Variants in PCDH15 observed in about 807,000 individuals in gnomAD.
PCDH15 encodes the protein protocadherin-15.
PCDH15 carries 129 observed loss-of-function variants against 178.5 expected under a neutral mutation model. The observed-to-expected ratio is 0.72, with a 90% CI of 0.63 to 0.84. The LOEUF is 0.84. PCDH15 is among the 40% of genes least tolerant of loss of function. The pLI, the probability that PCDH15 is intolerant of heterozygous loss-of-function variation, is 0.00. For missense variants in PCDH15, 2,230 were observed against 2,099.9 expected (o/e 1.06, Z -1.21); for synonymous variants, 800 against 732.0 (o/e 1.09, Z -1.50).
At chr10:55,444,896 A>G (rs563520095) in intron 2 of PCDH15, among the ~76,000 whole-genome samples, 1 of 152,294 alleles carries the variant, frequency 6.6e-6, no homozygotes, top group African/African-American at 2.4e-5. Context: ...ACATTTAAAC[A>G]CATATTCATC....
rs184965552 is a variant in PCDH15, at chr10:55,077,692, G to C, written c.-80+88884C>G. ...AGCCTCCCGAGTAGCTGGTATTAAA[G>C]GCATGCGCCACACCTGGCTACTTTT... is the stretch of plus-strand genomic sequence containing the variant. On this transcript the variant is annotated intron_variant, in intron 2 of 5. Transcript: ENST00000458638. Among the ~76,000 whole-genome samples the C allele has an allele frequency of 2.2e-4, 34 of 152,116 alleles. No homozygotes were observed. In the East Asian group the frequency reaches 6.2e-3, roughly 28 times the overall value.
chr10:55,534,121 A>T (rs992525633), intron 2 of PCDH15, among the ~76,000 whole-genome samples: 6 of 152,012 alleles, frequency 3.9e-5, no homozygotes, highest in African/African-American at 1.4e-4. Flanking sequence ...AATTATAAAA[A>T]TCCTAGAAGA....
intron 2 of PCDH15, among the ~76,000 whole-genome samples, chr10:55,372,126 A>G (rs1366643974): frequency 6.6e-6 from 1 of 152,094 alleles, no homozygotes; most frequent in Non-Finnish European, 1.5e-5. Flanking sequence ...CATCCCATCC[A>G]TGCTCCCATT....
At chr10:55,583,981 G>C (rs1564466465) in intron 2 of PCDH15, among the ~76,000 whole-genome samples, 3 of 151,990 alleles carry the variant, frequency 2.0e-5, no homozygotes, top group Non-Finnish European at 4.4e-5. Flanking sequence ...AGGCTGAAGT[G>C]ATCTTCCCAC....
At chr10:55,417,582 G>A (rs376530742) in intron 2 of PCDH15, among the ~76,000 whole-genome samples, 32 of 151,442 alleles carry the variant, frequency 2.1e-4, no homozygotes, top group African/African-American at 6.8e-4. Context: ...GATAGAAGAC[G>A]AAATGCTCTT....
intron 26 of PCDH15, among the ~76,000 whole-genome samples, chr10:53,886,786 G>A (rs2081133771): frequency 6.6e-6 from 1 of 152,010 alleles, no homozygotes; most frequent in Admixed American, 6.6e-5. Context: ...AGAGCTCACT[G>A]CCTTCTGGGT....
At chr10:54,817,621 T>C (rs1169183551) in intron 3 of PCDH15, among the ~76,000 whole-genome samples, 1 of 152,016 alleles carries the variant, frequency 6.6e-6, no homozygotes, top group Non-Finnish European at 1.5e-5. Flanking sequence ...GATGAGAAAT[T>C]CACAGTAATT....
chr10:55,004,986 A>T (rs1839890074), intron 2 of PCDH15, among the ~76,000 whole-genome samples: 1 of 152,110 alleles, frequency 6.6e-6, no homozygotes. Context: ...CCAATGATAT[A>T]AAACCTTCTG....
chr10:54,684,873 A>G (rs983383774), intron 1 of PCDH15, among the ~76,000 whole-genome samples: 7 of 152,022 alleles, frequency 4.6e-5, no homozygotes, highest in Admixed American at 1.3e-4. Context: ...TATAAAATGC[A>G]TTTTTTAAAT....
At chr10:54,060,849 G>C (rs1424196104) in intron 18 of PCDH15, among the ~76,000 whole-genome samples, 2 of 152,080 alleles carry the variant, frequency 1.3e-5, no homozygotes, top group African/African-American at 2.4e-5. Flanking sequence ...TAAGAGGTGA[G>C]GGTTGTTAGG....
chr10:53,979,770 A>G (rs766364479), intron 21 of PCDH15, among the ~76,000 whole-genome samples: 1 of 152,232 alleles, frequency 6.6e-6, no homozygotes, highest in Non-Finnish European at 1.5e-5. Flanking sequence ...TGCTACAACT[A>G]GAGAACAGAT....
intron 2 of PCDH15, among the ~76,000 whole-genome samples, chr10:55,626,924 A>G (rs1486212185): frequency 6.6e-6 from 1 of 152,180 alleles, no homozygotes; most frequent in Non-Finnish European, 1.5e-5. Flanking sequence ...CATTATATTT[A>G]TTAATGAGCA....
chr10:54,917,615 A>G (rs1407568695), intron 2 of PCDH15, among the ~76,000 whole-genome samples: 3 of 152,210 alleles, frequency 2.0e-5, no homozygotes, highest in African/African-American at 7.2e-5. Flanking sequence ...AAGGCTAGAA[A>G]CTATGCTCTG....
At chr10:55,182,395 T>C (rs780657912) in intron 1 of PCDH15, among the ~76,000 whole-genome samples, 22 of 151,904 alleles carry the variant, frequency 1.4e-4, no homozygotes, top group Non-Finnish European at 2.5e-4. Context: ...CACACACACT[T>C]GCACTTGCTC....
chr10:55,508,638 A>C (rs1840813141), intron 2 of PCDH15, among the ~76,000 whole-genome samples: 1 of 151,802 alleles, frequency 6.6e-6, no homozygotes, highest in Admixed American at 6.6e-5. Flanking sequence ...AAGTTGACAT[A>C]GAATTTCCAA....
At chr10:54,556,884 G>A (rs2087351507) in intron 2 of PCDH15, among the ~76,000 whole-genome samples, 1 of 151,908 alleles carries the variant, frequency 6.6e-6, no homozygotes, top group Admixed American at 6.6e-5. Context: ...TGGCAGGGTT[G>A]GGGTTGGGGG....
intron 1 of PCDH15, among the ~76,000 whole-genome samples, chr10:55,220,688 TATC>T (rs761265206): frequency 6.6e-6 from 1 of 152,106 alleles, no homozygotes; most frequent in African/African-American, 2.4e-5. Context: ...AAAAATATGA[TATC>T]ATGATTCTCT....
chr10:54,075,270 G>A (rs916011764), intron 17 of PCDH15, among the ~76,000 whole-genome samples: 25 of 152,058 alleles, frequency 1.6e-4, no homozygotes, highest in South Asian at 1.0e-3. Flanking sequence ...CCAGTTACTC[G>A]GGAGGCTGAG....
At chr10:54,070,147 TAGA>T (rs1414740092) in intron 17 of PCDH15, among the ~76,000 whole-genome samples, 2 of 152,188 alleles carry the variant, frequency 1.3e-5, no homozygotes, top group African/African-American at 4.8e-5. Flanking sequence ...TGTAATATCA[TAGA>T]AGAATTTTCA....
Sources: allele counts gnomAD v4.1 joint callset (sites outside exome capture counted in the v4.1 genomes callset), GRCh38; gene constraint gnomAD v4.1.1; transcripts MANE v1.5; gene names NCBI Gene and HGNC (gene_info 2026-07-23, HGNC 2026-07-21).